Variants in ANO1 observed in about 807,000 individuals in gnomAD.
The protein encoded by ANO1 is anoctamin 1.
In ANO1, 59 loss-of-function variants were observed where a neutral mutation model predicts 124.0. The observed-to-expected ratio is 0.48, with a 90% CI of 0.39 to 0.59. ANO1 has a LOEUF of 0.59. ANO1 is among the 20% of genes least tolerant of loss of function. The pLI, the probability that ANO1 is intolerant of heterozygous loss-of-function variation, is 0.00. For synonymous variants in ANO1, 529 were observed against 532.0 expected (o/e 0.99, Z 0.08); for missense variants, 1,059 against 1,328.0 (o/e 0.80, Z 3.15).
intron 1 of ANO1, among the ~76,000 whole-genome samples, chr11:70,054,412 A>G (rs1358284672): frequency 1.3e-5 from 2 of 152,238 alleles, no homozygotes; most frequent in African/African-American, 4.8e-5. Flanking sequence ...GGCTCCTCAC[A>G]GTGCAGGACG....
intron 1 of ANO1, among the ~76,000 whole-genome samples, chr11:70,068,558 G>A (rs1555008929): frequency 6.6e-6 from 1 of 152,194 alleles, no homozygotes; most frequent in Non-Finnish European, 1.5e-5. Context: ...GCAGACCCTG[G>A]AAAGGTGGTT....
At chr11:70,114,477 T>C (rs1311924562) in intron 7 of ANO1, among the ~76,000 whole-genome samples, 1 of 152,254 alleles carries the variant, frequency 6.6e-6, no homozygotes, top group Admixed American at 6.5e-5. Flanking sequence ...ATGGTGAGGC[T>C]CTCACTGCAT....
In ANO1 at chr11:70,126,152, G is replaced by A. The variant is rs757887721; in HGVS notation, c.1054G>A (p.Val352Ile). 4 of 1,613,746 alleles carry A rather than the reference G, an allele frequency of 2.5e-6. No homozygotes were observed. The highest frequency in any genetic ancestry group is 3.4e-6 in the Non-Finnish European group (4 of 1,179,784). The part of the protein sequence containing the change: ...LIPASIVGII[V>I]FLYGCATMDE... ...CCCTGCCTCCATCGTGGGAATCATTGTCTTCCTGTACGGATGCGCCACCAT... is the reference window on the plus strand; with the variant it reads ...CCCTGCCTCCATCGTGGGAATCATTATCTTCCTGTACGGATGCGCCACCAT... Residue 352 changes from valine to isoleucine, a missense_variant, in exon 10 of 26, where the codon GTC becomes ATC. Val to Ile is a conservative substitution (Grantham distance 29, BLOSUM62 3). Around this residue, in one of 2 missense-constraint regions of ANO1, gnomAD observed 809 missense variants for 1,094.9 expected, o/e 0.74. Transcript: ENST00000355303.
intron 6 of ANO1, 28 bp from the exon 7 acceptor site, chr11:70,111,679 T>C (rs1328202293): frequency 6.1e-5 from 98 of 1,613,350 alleles, no homozygotes; most frequent in Non-Finnish European, 8.1e-5. Flanking sequence ...GCCTGCCCCA[T>C]AACCTTCTCT....
At chr11:70,157,094 T>C (rs2047845929) in intron 16 of ANO1, 73 bp downstream of exon 16, 1 of 1,414,212 alleles carries the variant, frequency 7.1e-7, no homozygotes, top group East Asian at 2.4e-5. Context: ...CAGCCGGGCG[T>C]GGTGGTTCAC....
At chr11:69,991,357 G>A (rs1046993716) in intron 1 of ANO1, among the ~76,000 whole-genome samples, 3 of 152,158 alleles carry the variant, frequency 2.0e-5, no homozygotes, top group African/African-American at 7.2e-5. Context: ...GATGCCCTGT[G>A]GACATTCACG....
intron 11 of ANO1, among the ~76,000 whole-genome samples, chr11:70,146,848 G>A (rs1390674036): frequency 6.6e-6 from 1 of 152,130 alleles, no homozygotes; most frequent in South Asian, 2.1e-4. Context: ...AAAGATGAAG[G>A]CCGGAAGACT....
At chr11:69,980,058 T>G in the ANO1 span, among the ~76,000 whole-genome samples, 1 of 152,190 alleles carries the variant, frequency 6.6e-6, no homozygotes, top group African/African-American at 2.4e-5. Flanking sequence ...GTAGTGATAT[T>G]GGGTTCTTTA....
chr11:70,094,141 C>G (rs905623467), intron 2 of ANO1, among the ~76,000 whole-genome samples: 2 of 152,216 alleles, frequency 1.3e-5, no homozygotes, highest in African/African-American at 4.8e-5. Flanking sequence ...AGAGCCCACT[C>G]CTCACCACTC....
At position 70,162,097 on chromosome 11, in the gene ANO1, G is replaced by C. The variant is rs192887484; in HGVS notation, c.1892+364G>C. Among the ~76,000 whole-genome samples the C allele has an allele frequency of 6.6e-3, 942 of 142,512 alleles. 7 individuals carry two copies. Among genetic ancestry groups the C allele is most frequent in the Non-Finnish European group, 8.0e-3 (527 of 65,846 alleles). 93.5% of individuals were successfully genotyped at this position (142,512 alleles called of 152,430 possible). ...TGAGGGCCCCGGGCAGTGAGGACCC[G>C]GGAGTGAGGGCCCCGGGCAGTGAGG... On this transcript the variant is annotated intron_variant, in intron 18 of 25. Transcript: ENST00000355303.
chr11:70,013,756 C>T (rs968731265), intron 1 of ANO1, among the ~76,000 whole-genome samples: 23 of 135,206 alleles, frequency 1.7e-4, no homozygotes, highest in African/African-American at 6.3e-4. Context: ...GAACCGAGAT[C>T]GCGCCACTGC....
At chr11:70,185,987 T>C (rs1266547808) in intron 25 of ANO1, among the ~76,000 whole-genome samples, 1 of 152,088 alleles carries the variant, frequency 6.6e-6, no homozygotes, top group Non-Finnish European at 1.5e-5. Context: ...AGAAGTGTCT[T>C]TATTGAAAGA....
Position 70,104,164 on chromosome 11 carries a change from C to T in ANO1, c.692+14C>T, listed in dbSNP as rs1190671053. The stretch of plus-strand genomic sequence containing the variant: ...GAAGCAGCATCTGTAAGTGGGGACC[C>T]CCAGCCTGCTCCCCAAAGGGTCCTG... On this transcript the variant is annotated intron_variant, in intron 4 of 25. Transcript: ENST00000355303. 4 of 1,606,926 alleles carry T rather than the reference C, an allele frequency of 2.5e-6. No individual in the cohort carries two copies. The highest frequency in any genetic ancestry group is 2.2e-5 in the South Asian group (2 of 90,378).
intron 1 of ANO1, among the ~76,000 whole-genome samples, chr11:70,073,256 C>T (rs1466943361): frequency 3.3e-5 from 5 of 152,180 alleles, no homozygotes; most frequent in African/African-American, 1.2e-4. Flanking sequence ...AATGCACCCA[C>T]CATCCTGGGG....
chr11:70,185,757 C>A, intron 25 of ANO1, 62 bp downstream of exon 25: 1 of 1,542,650 alleles, frequency 6.5e-7, no homozygotes, highest in Non-Finnish European at 8.9e-7. Flanking sequence ...CCATCCTGTG[C>A]CTACAGTCTG....
intron 10 of ANO1, among the ~76,000 whole-genome samples, chr11:70,126,867 G>A (rs2046536228): frequency 6.7e-6 from 1 of 149,136 alleles, no homozygotes; most frequent in Non-Finnish European, 1.5e-5. Flanking sequence ...CCTCGGTGCA[G>A]GCTGGCACTT....
chr11:70,107,231 GAA>G (rs1445465413), intron 5 of ANO1, among the ~76,000 whole-genome samples: 2 of 152,152 alleles, frequency 1.3e-5, no homozygotes, highest in East Asian at 3.9e-4. Flanking sequence ...CTGGGTGGGA[GAA>G]AAGAGGCACT....
intron 19 of ANO1, among the ~76,000 whole-genome samples, chr11:70,164,725 C>T (rs528611689): frequency 2.0e-5 from 3 of 152,260 alleles, no homozygotes; most frequent in African/African-American, 7.2e-5. Context: ...TGGCAAAGGC[C>T]CACTGAGTCA....
intron 2 of ANO1, among the ~76,000 whole-genome samples, chr11:70,098,282 C>T (rs545369225): frequency 1.3e-5 from 2 of 152,300 alleles, no homozygotes; most frequent in South Asian, 2.1e-4. Context: ...TGTGGGTGCT[C>T]GAGGGCCTTC....
Sources: allele counts gnomAD v4.1 joint callset (sites outside exome capture counted in the v4.1 genomes callset), GRCh38; gene constraint gnomAD v4.1.1; regional missense constraint gnomAD v4.1.1; transcripts MANE v1.5; gene names NCBI Gene and HGNC (gene_info 2026-07-23, HGNC 2026-07-21).